The following CADM2 variants were observed in gnomAD, a reference collection of about 807,000 sequenced individuals.
CADM2 encodes the protein cell adhesion molecule 2.
In CADM2, 12 loss-of-function variants were observed where a neutral mutation model predicts 49.8. That is an observed-to-expected ratio of 0.24 (90% CI 0.15 to 0.39). The LOEUF (loss-of-function observed/expected upper bound fraction) is 0.39, where lower values mean the gene tolerates loss of function less well. CADM2 is among the 10% of genes least tolerant of loss of function. The pLI is 1.00. For synonymous variants in CADM2, 214 were observed against 175.4 expected (o/e 1.22, Z -1.74); for missense variants, 378 against 492.3 (o/e 0.77, Z 2.20).
intron 1 of CADM2, among the ~76,000 whole-genome samples, chr3:85,242,441 T>C (rs1265201573): frequency 6.6e-6 from 1 of 151,634 alleles, no homozygotes; most frequent in Non-Finnish European, 1.5e-5. Flanking sequence ...TTTGCCTTTA[T>C]AGGAAAATGT....
chr3:85,351,269 A>C (rs2031314624), intron 1 of CADM2, among the ~76,000 whole-genome samples: 1 of 152,194 alleles, frequency 6.6e-6, no homozygotes, highest in Non-Finnish European at 1.5e-5. Flanking sequence ...GGAAGCTGCC[A>C]CCAGCTGGTA....
At chr3:85,917,201 G>T (rs950887052) in intron 6 of CADM2, among the ~76,000 whole-genome samples, 11 of 152,076 alleles carry the variant, frequency 7.2e-5, no homozygotes, top group African/African-American at 2.7e-4. Context: ...TTTGTCTTTT[G>T]TTGCCATTGC....
intron 1 of CADM2, among the ~76,000 whole-genome samples, chr3:85,240,607 G>T (rs1240403112): frequency 6.6e-6 from 1 of 151,394 alleles, no homozygotes; most frequent in Non-Finnish European, 1.5e-5. Flanking sequence ...CAATATCAAT[G>T]GGGCAAGGTA....
intron 1 of CADM2, among the ~76,000 whole-genome samples, chr3:85,534,516 T>C (rs1576742419): frequency 6.6e-6 from 1 of 152,274 alleles, no homozygotes; most frequent in South Asian, 2.1e-4. Context: ...TTATTGTGAA[T>C]AAAGAATTAT....
intron 1 of CADM2, among the ~76,000 whole-genome samples, chr3:85,249,889 G>A (rs1329904791): frequency 1.3e-5 from 2 of 151,838 alleles, no homozygotes; most frequent in Admixed American, 1.3e-4. Flanking sequence ...TACCAGTGGA[G>A]CAGGAGAGTT....
At chr3:85,620,533 G>A (rs7627780) in intron 1 of CADM2, among the ~76,000 whole-genome samples, 66,433 of 151,704 alleles carry the variant, frequency 0.44, 16,199 homozygotes, top group African/African-American at 0.66. Flanking sequence ...CTGTAAGTTA[G>A]TGAATTTCCA....
At chr3:85,175,434 AAG>A (rs1328779876) in intron 1 of CADM2, among the ~76,000 whole-genome samples, 1 of 152,196 alleles carries the variant, frequency 6.6e-6, no homozygotes, top group African/African-American at 2.4e-5. Flanking sequence ...GTTTTTTAAA[AAG>A]AAGGAAATTC....
At position 86,037,308 on chromosome 3, in the gene CADM2, A is replaced by G. The variant is rs12485437; in HGVS notation, c.971-28297A>G. ...CGCTTAACATAAAATAAGCACAAGA[A>G]GAAATGTTGGCAATACTTATTACAG... On this transcript the variant is annotated intron_variant, in intron 8 of 9. Coordinates refer to ENST00000383699, the MANE Select transcript of CADM2 (RefSeq NM_001167675.2). 6.6e-3 allele frequency among the ~76,000 whole-genome samples: 1,001 copies of G among 152,332 alleles called. 48 individuals carry two copies. Among genetic ancestry groups the G allele is most frequent in the Admixed American group, 0.053 (806 of 15,294 alleles).
chr3:86,067,900 A>T lies in CADM2; in HGVS notation c.*1117A>T, dbSNP rs1739503501. On this transcript the variant is annotated 3_prime_UTR_variant, in exon 10 of 10. Transcript: ENST00000383699. ...TTTATTTGTTATACAATGGAAGCAC[A>T]ATGTTATAAGGAAAGGTAATTTTAA... 6.6e-6 allele frequency: 1 copy of T among 152,476 alleles called. No homozygotes were observed. 9.4% of individuals were successfully genotyped at this position (152,476 alleles called of 1,614,324 possible).
intron 8 of CADM2, among the ~76,000 whole-genome samples, chr3:86,002,590 G>C (rs983187791): frequency 6.6e-6 from 1 of 152,018 alleles, no homozygotes; most frequent in Non-Finnish European, 1.5e-5. Context: ...AGGCTTACCT[G>C]GGAAACTTTC....
chr3:85,537,352 C>T (rs1342875419), intron 1 of CADM2, among the ~76,000 whole-genome samples: 1 of 151,908 alleles, frequency 6.6e-6, no homozygotes, highest in African/African-American at 2.4e-5. Flanking sequence ...AAAAAATTAG[C>T]CCCAGAACTG....
At chr3:85,252,701 G>A (rs770275732) in intron 1 of CADM2, among the ~76,000 whole-genome samples, 3 of 151,970 alleles carry the variant, frequency 2.0e-5, no homozygotes, top group Non-Finnish European at 2.9e-5. Flanking sequence ...GTCTCAAGGA[G>A]TCTGACTCCA....
intron 1 of CADM2, among the ~76,000 whole-genome samples, chr3:85,621,212 A>G (rs2063966865): frequency 1.3e-5 from 2 of 148,938 alleles, no homozygotes; most frequent in South Asian, 2.1e-4. Flanking sequence ...ATCAGAAACT[A>G]TGTCTTAACA....
intron 8 of CADM2, among the ~76,000 whole-genome samples, chr3:86,036,399 G>A (rs1334323011): frequency 6.6e-6 from 1 of 151,882 alleles, no homozygotes; most frequent in Non-Finnish European, 1.5e-5. Flanking sequence ...CATCTTCCTG[G>A]GTTTCTTTCT....
intron 1 of CADM2, among the ~76,000 whole-genome samples, chr3:84,974,774 TA>T (rs1183378405): frequency 1.3e-5 from 2 of 151,988 alleles, no homozygotes; most frequent in Non-Finnish European, 2.9e-5. Flanking sequence ...CACACTTTAT[TA>T]CTTACCTCAT....
intron 1 of CADM2, among the ~76,000 whole-genome samples, chr3:85,296,758 C>T (rs559868653): frequency 4.2e-4 from 64 of 152,126 alleles, no homozygotes; most frequent in South Asian, 6.2e-4. Flanking sequence ...AAAATTACCA[C>T]GACTTTCTAC....
At chr3:85,440,613 G>C (rs1461158462) in intron 1 of CADM2, among the ~76,000 whole-genome samples, 1 of 152,066 alleles carries the variant, frequency 6.6e-6, no homozygotes, top group African/African-American at 2.4e-5. Context: ...TAACACCTGT[G>C]ATGATAATAT....
intron 1 of CADM2, among the ~76,000 whole-genome samples, chr3:85,426,530 G>T (rs1327970794): frequency 2.6e-5 from 4 of 151,938 alleles, no homozygotes; most frequent in African/African-American, 7.3e-5. Context: ...TATTTACGGG[G>T]TGCATGAGAT....
intron 1 of CADM2, among the ~76,000 whole-genome samples, chr3:85,367,282 A>G (rs576085710): frequency 6.6e-6 from 1 of 151,994 alleles, no homozygotes; most frequent in African/African-American, 2.4e-5. Flanking sequence ...CAGTTCCATA[A>G]ATATTTATTT....
Sources: allele counts gnomAD v4.1 joint callset (sites outside exome capture counted in the v4.1 genomes callset), GRCh38; gene constraint gnomAD v4.1.1; transcripts MANE v1.5; gene names NCBI Gene and HGNC (gene_info 2026-07-23, HGNC 2026-07-21).